Variants in TTLL4 observed in about 807,000 individuals in gnomAD.
TTLL4 encodes the protein tubulin monoglutamylase TTLL4.
A neutral mutation model predicts 122.7 loss-of-function variants in TTLL4; 85 were observed. The observed-to-expected ratio is 0.69, with a 90% CI of 0.58 to 0.83. TTLL4 has a LOEUF of 0.83. Among genes scored for constraint, TTLL4 ranks in the 40% least tolerant of loss-of-function variants. The probability of loss-of-function intolerance (pLI) is 0.00; values close to 1 mark genes in which losing one functional copy is unlikely to be tolerated. For missense variants in TTLL4, 1,363 were observed against 1,488.6 expected, an observed-to-expected ratio of 0.92 and a Z score of 1.39; for synonymous variants, 553 against 563.0, an observed-to-expected ratio of 0.98 and a Z score of 0.25.
downstream of TTLL4, among the ~76,000 whole-genome samples, chr2:218,756,582 T>C (rs1025293147): frequency 2.6e-5 from 4 of 152,234 alleles, no homozygotes; most frequent in Admixed American, 6.5e-5. Context: ...TTATCAAGCA[T>C]TTGGCATATA....
intron 2 of TTLL4, among the ~76,000 whole-genome samples, chr2:218,727,769 C>G (rs1223149596): frequency 6.6e-6 from 1 of 152,098 alleles, no homozygotes; most frequent in Non-Finnish European, 1.5e-5. Context: ...CAAAAAAACC[C>G]TGCTATTCTG....
chr2:218,717,573 C>T (rs2106389331), intron 1 of TTLL4, among the ~76,000 whole-genome samples: 1 of 152,324 alleles, frequency 6.6e-6, no homozygotes, highest in East Asian at 1.9e-4. Flanking sequence ...CTAAACTGTG[C>T]TCTACAAGAG....
At chr2:218,749,907 A>G in intron 14 of TTLL4, 102 bp from the exon 15 acceptor site, 1 of 1,472,552 alleles carries the variant, frequency 6.8e-7, no homozygotes, top group Non-Finnish European at 9.2e-7. Context: ...CTTTCATCTT[A>G]GGGAAGCCAG....
In TTLL4 at chr2:218,747,494, A is replaced by G; in HGVS notation, c.2250-103A>G. ...AGAGCTTCCTTAGCCAACTGTTCTA[A>G]GGTCTTTATCTTGGGGACTGTTAGC... On this transcript the variant is annotated intron_variant, in intron 10 of 19. Coordinates refer to ENST00000392102, the MANE Select transcript of TTLL4 (RefSeq NM_014640.5). This position sits in a 1 kb window ranked among gnomAD's most constrained non-coding sequence, Gnocchi z 4.7. 1 of 1,574,816 alleles carries G rather than the reference A, an allele frequency of 6.3e-7. No individual in the cohort carries two copies. The highest frequency in any genetic ancestry group is 8.6e-7 in the Non-Finnish European group (1 of 1,157,210).
In TTLL4 at chr2:218,748,247, C is replaced by A; in HGVS notation, c.2501+20C>A. On this transcript the variant is annotated intron_variant, in intron 12 of 19. Coordinates refer to ENST00000392102, the MANE Select transcript of TTLL4 (RefSeq NM_014640.5). ...CAAATGGTACTGAGGGCAGAGTGTCCCAGTCCAGTGAAGGCCTAGAGGAAT... is the reference window on the plus strand; with the variant it reads ...CAAATGGTACTGAGGGCAGAGTGTCACAGTCCAGTGAAGGCCTAGAGGAAT... 6.2e-7 allele frequency: 1 copy of A among 1,613,790 alleles called. No homozygotes were observed. Among genetic ancestry groups the A allele is most frequent in the Non-Finnish European group, 8.5e-7 (1 of 1,179,870 alleles).
intron 1 of TTLL4, among the ~76,000 whole-genome samples, chr2:218,721,667 A>G (rs114402244): frequency 2.1e-3 from 327 of 152,308 alleles, no homozygotes; most frequent in African/African-American, 7.4e-3. Flanking sequence ...TTAGCTGGTC[A>G]TAGCTGTTGT....
At chr2:218,731,488 G>A (rs1017809277) in intron 2 of TTLL4, among the ~76,000 whole-genome samples, 7 of 151,920 alleles carry the variant, frequency 4.6e-5, no homozygotes, top group Non-Finnish European at 7.4e-5. Flanking sequence ...GCTTGTCCTC[G>A]CTGAAGTTTT....
chr2:218,749,601 G>GGGACTACAGGCAT (rs1183949445), intron 14 of TTLL4, among the ~76,000 whole-genome samples: 1 of 152,088 alleles, frequency 6.6e-6, no homozygotes, highest in Non-Finnish European at 1.5e-5. Context: ...CCAAGTAGCT[G>GGGACTACAGGCAT]GGACTACAGG....
chr2:218,733,815 G>A (rs1399109787), intron 2 of TTLL4, among the ~76,000 whole-genome samples: 1 of 152,186 alleles, frequency 6.6e-6, no homozygotes, highest in Non-Finnish European at 1.5e-5. Flanking sequence ...TCATGTGCTT[G>A]GCACTGAGGG....
At chr2:218,744,215 T>C (rs1483490306) in intron 5 of TTLL4, among the ~76,000 whole-genome samples, 1 of 152,228 alleles carries the variant, frequency 6.6e-6, no homozygotes, top group Admixed American at 6.5e-5. Flanking sequence ...TCTGTTGTGC[T>C]GAAAATAATA....
chr2:218,723,188 G>A (rs1942095321), intron 1 of TTLL4, among the ~76,000 whole-genome samples: 1 of 152,164 alleles, frequency 6.6e-6, no homozygotes, highest in African/African-American at 2.4e-5. Context: ...GAATAACAGT[G>A]GTTATAGAAC....
At chr2:218,758,268 C>G (rs1035705637), downstream of TTLL4, among the ~76,000 whole-genome samples, 18 of 152,288 alleles carry the variant, frequency 1.2e-4, no homozygotes, top group South Asian at 2.1e-4. Context: ...GGGACTGCCA[C>G]AGGCAAAGCT....
At chr2:218,745,348 G>T (rs558944304) in intron 6 of TTLL4, 115 bp downstream of exon 6, 303 of 1,397,062 alleles carry the variant, frequency 2.2e-4, no homozygotes, top group Non-Finnish European at 2.4e-4. Flanking sequence ...TGTTGTGGCA[G>T]TTGTCACACT....
chr2:218,711,296 G>T (rs759970258), intron 1 of TTLL4, among the ~76,000 whole-genome samples: 4 of 152,228 alleles, frequency 2.6e-5, no homozygotes, highest in Non-Finnish European at 5.9e-5. Flanking sequence ...CCTCGCCTCC[G>T]GGTGCCCGAA....
intron 1 of TTLL4, among the ~76,000 whole-genome samples, chr2:218,715,822 G>A (rs1240760729): frequency 6.6e-6 from 1 of 151,960 alleles, no homozygotes; most frequent in Non-Finnish European, 1.5e-5. Flanking sequence ...AGTAGAGATG[G>A]GGTTTCACCA....
intron 8 of TTLL4, chr2:218,746,670 G>T: frequency 2.5e-6 from 1 of 392,260 alleles, no homozygotes; most frequent in Non-Finnish European, 4.6e-6. Context: ...ACATTGGAAT[G>T]AATGAGTCCC....
At chr2:218,730,346 A>AG (rs1942342111) in intron 2 of TTLL4, among the ~76,000 whole-genome samples, 1 of 127,206 alleles carries the variant, frequency 7.9e-6, no homozygotes, top group Non-Finnish European at 1.6e-5. Flanking sequence ...AAAAAAAAAA[A>AG]AAAGAAAAAA....
At chr2:218,749,151 G>A in intron 13 of TTLL4, 102 bp from the exon 14 acceptor site, 2 of 1,523,380 alleles carry the variant, frequency 1.3e-6, no homozygotes, top group Non-Finnish European at 1.8e-6. Context: ...TTCCTGGGTT[G>A]CTTCTGCCTG....
rs1942597954 is a variant in TTLL4 at position 218,738,440 on chromosome 2, CA to C, written c.765del (p.Gly257ValfsTer54). On this transcript the variant is annotated frameshift_variant, in exon 3 of 20. Transcript: ENST00000392102. LOFTEE classifies it high-confidence loss of function. ...ATCCAGCCTGTCTCCTGGCATCATT[CA>C]GGGGGTACTGGAGACTGTGCACCGC... ...PKIQPVSWHH[S>X]GGTGDCAPQP... 1 of 1,614,212 alleles carries C rather than the reference CA, an allele frequency of 6.2e-7. No homozygotes were observed. The highest frequency in any genetic ancestry group is 8.5e-7 in the Non-Finnish European group (1 of 1,180,038).
Sources: allele counts gnomAD v4.1 joint callset (sites outside exome capture counted in the v4.1 genomes callset), GRCh38; gene constraint gnomAD v4.1.1; non-coding constraint Gnocchi (gnomAD v3.1); transcripts MANE v1.5; gene names NCBI Gene and HGNC (gene_info 2026-07-23, HGNC 2026-07-21).